The following SEZ6L variants were observed in gnomAD, a reference collection of about 807,000 sequenced individuals.
SEZ6L encodes the protein seizure 6-like protein.
In SEZ6L, 37 loss-of-function variants were observed where a neutral mutation model predicts 106.2. The observed-to-expected ratio is 0.35, with a 90% CI of 0.27 to 0.46. SEZ6L has a LOEUF of 0.46. Among genes scored for constraint, SEZ6L ranks in the 20% least tolerant of loss-of-function variants. The probability of loss-of-function intolerance (pLI) is 1.00; values close to 1 mark genes in which losing one functional copy is unlikely to be tolerated. For synonymous variants in SEZ6L, 541 were observed against 570.4 expected, an observed-to-expected ratio of 0.95 and a Z score of 0.73; for missense variants, 1,172 against 1,332.8, an observed-to-expected ratio of 0.88 and a Z score of 1.88.
At chr22:26,188,773 G>A (rs1939979260) in intron 1 of SEZ6L, among the ~76,000 whole-genome samples, 1 of 152,156 alleles carries the variant, frequency 6.6e-6, no homozygotes, top group Admixed American at 6.5e-5. Context: ...AAGTGTTCAC[G>A]CCAAGTGTGG....
intron 1 of SEZ6L, among the ~76,000 whole-genome samples, chr22:26,189,285 C>T (rs775555736): frequency 2.0e-5 from 3 of 152,140 alleles, no homozygotes; most frequent in Non-Finnish European, 1.5e-5. Context: ...TTGACTTGTC[C>T]GGGATTTTAT....
chr22:26,307,478 T>TAAA (rs34235682), intron 6 of SEZ6L, among the ~76,000 whole-genome samples: 81 of 145,456 alleles, frequency 5.6e-4, no homozygotes, highest in African/African-American at 1.4e-3. Context: ...TGGAAAGACT[T>TAAA]AAAAAAAAAA....
chr22:26,373,671 C>T (rs1234934543), intron 14 of SEZ6L, among the ~76,000 whole-genome samples, 188 bp downstream of exon 14: 1 of 152,058 alleles, frequency 6.6e-6, no homozygotes, highest in African/African-American at 2.4e-5. Flanking sequence ...AGTCAGGACC[C>T]TAACAATAAC....
intron 1 of SEZ6L, among the ~76,000 whole-genome samples, chr22:26,171,206 G>A (rs959911338): frequency 3.9e-5 from 6 of 151,992 alleles, no homozygotes; most frequent in Non-Finnish European, 7.4e-5. Context: ...CTTTTTTATG[G>A]GGCAATAATG....
intron 9 of SEZ6L, among the ~76,000 whole-genome samples, chr22:26,318,599 A>ATAAATTG: frequency 6.6e-6 from 1 of 152,320 alleles, no homozygotes; most frequent in East Asian, 1.9e-4. Context: ...TAAGTTAAAA[A>ATAAATTG]TAAATTGTAT....
chr22:26,326,449 G>T (rs912361455), intron 9 of SEZ6L, among the ~76,000 whole-genome samples: 1 of 152,148 alleles, frequency 6.6e-6, no homozygotes, highest in African/African-American at 2.4e-5. Context: ...GGATTACTGT[G>T]GTGCCAAAAT....
intron 9 of SEZ6L, among the ~76,000 whole-genome samples, chr22:26,317,199 G>C (rs902178822): frequency 7.2e-5 from 11 of 152,132 alleles, no homozygotes; most frequent in Non-Finnish European, 1.3e-4. Flanking sequence ...TTATTCTAAG[G>C]CTGCATCCTT....
intron 1 of SEZ6L, among the ~76,000 whole-genome samples, chr22:26,235,752 G>T (rs2078938046): frequency 6.6e-6 from 1 of 152,196 alleles, no homozygotes; most frequent in East Asian, 1.9e-4. Flanking sequence ...GCTCATACCT[G>T]GAGCATGGAT....
At chr22:26,319,355 C>T (rs532126030) in intron 9 of SEZ6L, among the ~76,000 whole-genome samples, 3 of 152,278 alleles carry the variant, frequency 2.0e-5, no homozygotes, top group East Asian at 1.9e-4. Flanking sequence ...CTGTTACAAC[C>T]GAAGTCATAG....
chr22:26,357,127 A>G (rs2083464096), intron 12 of SEZ6L, among the ~76,000 whole-genome samples: 1 of 151,862 alleles, frequency 6.6e-6, no homozygotes, highest in East Asian at 1.9e-4. Flanking sequence ...AATTTTTTGT[A>G]TTTTTAGTAG....
At chr22:26,298,031 T>C (rs918792720) in intron 4 of SEZ6L, among the ~76,000 whole-genome samples, 3 of 152,196 alleles carry the variant, frequency 2.0e-5, no homozygotes, top group Non-Finnish European at 2.9e-5. Flanking sequence ...TCATGTGTTA[T>C]ATCAAATTGT....
chr22:26,192,854 A>G (rs2145659961), intron 1 of SEZ6L, among the ~76,000 whole-genome samples: 1 of 152,356 alleles, frequency 6.6e-6, no homozygotes, highest in African/African-American at 2.4e-5. Flanking sequence ...AGATGTGTAA[A>G]GGAAACATAC....
At chr22:26,324,103 A>ACACACAC (rs1569463232) in intron 9 of SEZ6L, among the ~76,000 whole-genome samples, 33 of 83,364 alleles carry the variant, frequency 4.0e-4, no homozygotes, top group African/African-American at 5.2e-4. Flanking sequence ...CACACACACA[A>ACACACAC]ACACACACAC....
intron 10 of SEZ6L, among the ~76,000 whole-genome samples, chr22:26,344,526 T>C (rs1271458868): frequency 1.3e-5 from 2 of 152,194 alleles, no homozygotes; most frequent in Non-Finnish European, 2.9e-5. Flanking sequence ...TTCAAACAAA[T>C]AGATGGCTGT....
intron 1 of SEZ6L, among the ~76,000 whole-genome samples, chr22:26,221,274 A>G (rs981992886): frequency 6.6e-6 from 1 of 152,018 alleles, no homozygotes; most frequent in Non-Finnish European, 1.5e-5. Context: ...TCTTTTTTCA[A>G]GCCTTGTAGT....
At chr22:26,223,882 G>A (rs970874274) in intron 1 of SEZ6L, among the ~76,000 whole-genome samples, 2 of 152,170 alleles carry the variant, frequency 1.3e-5, no homozygotes, top group African/African-American at 2.4e-5. Flanking sequence ...CTAGGCATTT[G>A]TAAAACAAAG....
chr22:26,268,049 G>A lies in SEZ6L; in HGVS notation c.95-24357G>A, dbSNP rs377061154. Among the ~76,000 whole-genome samples the A allele has an allele frequency of 8.6e-4, 131 of 152,280 alleles. 3 individuals are homozygous for A. The South Asian group carries it at 0.025, about 29-fold the overall frequency. ...CATGCTGCCTCTCTATAGAACAATG[G>A]GCTGGCTTTTCAGGGCAATTTAATG... is the stretch of plus-strand genomic sequence containing the variant. On this transcript the variant is annotated intron_variant, in intron 1 of 16. Transcript: ENST00000248933.
At chr22:26,190,571 A>G (rs1452726493) in intron 1 of SEZ6L, among the ~76,000 whole-genome samples, 1 of 152,164 alleles carries the variant, frequency 6.6e-6, no homozygotes. Flanking sequence ...GGAATTTATA[A>G]TAGTACCAAT....
intron 9 of SEZ6L, among the ~76,000 whole-genome samples, chr22:26,327,688 ACACACCCACACACAC>A (rs1055492972): frequency 1.3e-5 from 2 of 150,946 alleles, no homozygotes; most frequent in African/African-American, 4.9e-5. Context: ...CACACACCAC[ACACACCCACACACAC>A]CACACGCACA....
Sources: allele counts gnomAD v4.1 joint callset (sites outside exome capture counted in the v4.1 genomes callset), GRCh38; gene constraint gnomAD v4.1.1; transcripts MANE v1.5; gene names NCBI Gene and HGNC (gene_info 2026-07-23, HGNC 2026-07-21).